HOMER1: variants seen among roughly 807,000 people sequenced by gnomAD.
The protein encoded by HOMER1 is homer scaffold protein 1, also known as homer protein homolog 1.
In HOMER1, 3 loss-of-function variants were observed where a neutral mutation model predicts 48.9. The ratio of observed to expected loss-of-function variants is 0.06; its 90% CI spans 0.03 to 0.16. HOMER1 has a LOEUF of 0.16. Ranked by LOEUF, HOMER1 falls within the 10% of genes least tolerant of loss-of-function variation. HOMER1 has a pLI of 1.00. For synonymous variants in HOMER1, 134 were observed against 146.4 expected (o/e 0.92, Z 0.61); for missense variants, 247 against 411.4 (o/e 0.60, Z 3.46).
At chr5:79,500,994 A>ACACACACACACACACACACAC (rs1491137703) in intron 1 of HOMER1, among the ~76,000 whole-genome samples, 2 of 143,026 alleles carry the variant, frequency 1.4e-5, no homozygotes, top group African/African-American at 5.3e-5. Context: ...ACACACACAC[A>ACACACACACACACACACACAC]AGGTCTGGCT....
At chr5:79,457,808 GC>G (rs1374302915) in intron 1 of HOMER1, among the ~76,000 whole-genome samples, 4 of 152,150 alleles carry the variant, frequency 2.6e-5, no homozygotes, top group African/African-American at 9.7e-5. Context: ...ACTTAGTGTT[GC>G]TGGCACCTTC....
chr5:79,446,511 G>A (rs1580456258), intron 4 of HOMER1, among the ~76,000 whole-genome samples: 1 of 152,146 alleles, frequency 6.6e-6, no homozygotes, highest in Admixed American at 6.6e-5. Flanking sequence ...CTTTTGCTAA[G>A]TTACAAGCAC....
intron 1 of HOMER1, among the ~76,000 whole-genome samples, chr5:79,471,984 G>A (rs1751634449): frequency 6.6e-6 from 1 of 152,128 alleles, no homozygotes. Flanking sequence ...GTCCCTTCCA[G>A]GACTCCCTCT....
At chr5:79,392,023 T>C (rs1485468107) in intron 8 of HOMER1, among the ~76,000 whole-genome samples, 1 of 152,138 alleles carries the variant, frequency 6.6e-6, no homozygotes, top group African/African-American at 2.4e-5. Flanking sequence ...TACTCATGTG[T>C]TTGTGGTGAT....
intron 5 of HOMER1, among the ~76,000 whole-genome samples, chr5:79,427,170 T>A (rs1281618000): frequency 6.6e-6 from 1 of 152,208 alleles, no homozygotes. Context: ...ATTGACCATA[T>A]AATTGGTCCT....
intron 5 of HOMER1, among the ~76,000 whole-genome samples, chr5:79,436,576 C>T (rs1750590600): frequency 6.6e-6 from 1 of 152,258 alleles, no homozygotes; most frequent in South Asian, 2.1e-4. Context: ...ATGTACACTA[C>T]TGAAACAGTT....
At chr5:79,460,143 C>A (rs1279559575) in intron 1 of HOMER1, among the ~76,000 whole-genome samples, 1 of 152,136 alleles carries the variant, frequency 6.6e-6, no homozygotes, top group Non-Finnish European at 1.5e-5. Flanking sequence ...GAGTAAGCCA[C>A]CTAGCTCAGC....
At chr5:79,427,156 A>C (rs180828208) in intron 5 of HOMER1, among the ~76,000 whole-genome samples, 248 of 152,300 alleles carry the variant, frequency 1.6e-3, no homozygotes, top group African/African-American at 5.7e-3. Context: ...TATGTAAAAC[A>C]AGTATTGACC....
At chr5:79,509,175 C>T (rs1484248006) in intron 1 of HOMER1, among the ~76,000 whole-genome samples, 1 of 152,162 alleles carries the variant, frequency 6.6e-6, no homozygotes, top group East Asian at 1.9e-4. Context: ...CATTTCCATG[C>T]TTCTGGAAGT....
intron 5 of HOMER1, among the ~76,000 whole-genome samples, chr5:79,418,064 G>A (rs967063886): frequency 6.6e-6 from 1 of 152,194 alleles, no homozygotes; most frequent in African/African-American, 2.4e-5. Context: ...GAGGAGGCCA[G>A]AATCAAAGGA....
chr5:79,507,072 G>C (rs1463017843), intron 1 of HOMER1, among the ~76,000 whole-genome samples: 1 of 151,562 alleles, frequency 6.6e-6, no homozygotes, highest in Non-Finnish European at 1.5e-5. Flanking sequence ...AATTAGCCAG[G>C]TGTGGTGGCG....
At chr5:79,381,516 T>C (rs146722813) in intron 8 of HOMER1, among the ~76,000 whole-genome samples, 193 of 152,160 alleles carry the variant, frequency 1.3e-3, no homozygotes, top group African/African-American at 4.4e-3. Context: ...CAAAACGAAA[T>C]TCATAAAGTC....
intron 1 of HOMER1, among the ~76,000 whole-genome samples, chr5:79,506,382 AAGG>A (rs1191508092): frequency 2.0e-5 from 3 of 152,160 alleles, no homozygotes; most frequent in Non-Finnish European, 4.4e-5. Flanking sequence ...ACATTTCATG[AAGG>A]AGCACAGAAA....
intron 2 of HOMER1, among the ~76,000 whole-genome samples, chr5:79,453,510 T>C (rs1309466855): frequency 2.0e-5 from 3 of 152,208 alleles, no homozygotes; most frequent in African/African-American, 7.2e-5. Context: ...TGATAGATGA[T>C]CCCACACTTT....
intron 3 of HOMER1, among the ~76,000 whole-genome samples, chr5:79,447,605 T>A (rs1367393887): frequency 6.6e-6 from 1 of 152,202 alleles, no homozygotes; most frequent in Non-Finnish European, 1.5e-5. Flanking sequence ...ACACAATGCA[T>A]TTTCAGTAAT....
At chr5:79,492,624 C>T (rs571439373) in intron 1 of HOMER1, among the ~76,000 whole-genome samples, 180 of 152,168 alleles carry the variant, frequency 1.2e-3, no homozygotes, top group African/African-American at 4.2e-3. Flanking sequence ...TAAACGCAGT[C>T]GCAGCCCTCA....
rs10527802 is a variant in HOMER1, at chr5:79,491,075, C to CAAAAAAAAAA, written c.5+21685_5+21694dup. Reference sequence around the variant, plus strand: ...TTTTTGGCCTTCAGTAGTACCAAAGCAAAAAAAAAAAAAAAAAAAAAAAAA... The same window carrying CAAAAAAAAAA: ...TTTTTGGCCTTCAGTAGTACCAAAGCAAAAAAAAAAAAAAAAAAAAAAAAAAAAAAAAAAA... On this transcript the variant is annotated intron_variant, in intron 1 of 8. Transcript: ENST00000334082. Among the ~76,000 whole-genome samples, 20 of 37,250 alleles carry CAAAAAAAAAA rather than the reference C, an allele frequency of 5.4e-4. 3 individuals are homozygous for CAAAAAAAAAA. Among genetic ancestry groups the CAAAAAAAAAA allele is most frequent in the Non-Finnish European group, 1.1e-3 (14 of 12,690 alleles). 24.4% of individuals were successfully genotyped at this position (37,250 alleles called of 152,430 possible). A position where few individuals can be genotyped will look rare whatever the true frequency, so the allele number is the denominator to read the frequency against.
chr5:79,463,890 T>C (rs551724186), intron 1 of HOMER1, among the ~76,000 whole-genome samples: 1 of 152,278 alleles, frequency 6.6e-6, no homozygotes, highest in African/African-American at 2.4e-5. Context: ...GCAATAAGGA[T>C]TTAAAATCCA....
At position 79,372,833 on chromosome 5, in the gene HOMER1, A is replaced by C. The variant is rs1748670391; in HGVS notation, c.*3176T>G. Reference sequence around the variant, plus strand: ...TACATTTAATTTTAACAGGGCAAATAAACTAGTTTTTAAAGGTAGTGGTGG... The same window carrying C: ...TACATTTAATTTTAACAGGGCAAATCAACTAGTTTTTAAAGGTAGTGGTGG... On this transcript the variant is annotated 3_prime_UTR_variant, in exon 9 of 9. Transcript: ENST00000334082. 1 of 152,156 alleles carries C rather than the reference A, an allele frequency of 6.6e-6. No individual in the cohort carries two copies. The highest frequency in any genetic ancestry group is 2.4e-5 in the African/African-American group (1 of 41,442). The allele number at this position is 152,156 out of a possible 1,614,324, so 9.4% of individuals were successfully genotyped here.
Sources: allele counts gnomAD v4.1 joint callset (sites outside exome capture counted in the v4.1 genomes callset), GRCh38; gene constraint gnomAD v4.1.1; transcripts MANE v1.5; gene names NCBI Gene and HGNC (gene_info 2026-07-23, HGNC 2026-07-21).